Variants in KLC1 observed in about 807,000 individuals in gnomAD.
KLC1 encodes kinesin 2 60/70kDa.
In KLC1, 30 loss-of-function variants were observed where a neutral mutation model predicts 84.2. That is an observed-to-expected ratio of 0.36 (90% CI 0.27 to 0.48). The LOEUF (loss-of-function observed/expected upper bound fraction) is 0.48. Ranked by LOEUF, KLC1 falls within the 20% of genes least tolerant of loss-of-function variation. KLC1 has a pLI of 0.99. For synonymous variants in KLC1, 289 were observed against 293.3 expected (o/e 0.99, Z 0.15); for missense variants, 499 against 805.4 (o/e 0.62, Z 4.60).
chr14:103,659,698 C>T lies in KLC1; in HGVS notation c.492+1922C>T, dbSNP rs548212879. On this transcript the variant is annotated intron_variant, in intron 3 of 16. Transcript: ENST00000334553. Reference sequence around the variant, plus strand: ...TTGTGTGTCTCGTTCGAATCCCCATCCTAAGACTACTGAAACAGTTTTTTG... The same window carrying T: ...TTGTGTGTCTCGTTCGAATCCCCATTCTAAGACTACTGAAACAGTTTTTTG... Among the ~76,000 whole-genome samples the T allele has an allele frequency of 3.9e-5, 6 of 152,286 alleles. No individual in the cohort carries two copies. The South Asian group carries it at 1.2e-3, about 32-fold the overall frequency.
At chr14:103,636,824 G>A (rs978954165) in intron 1 of KLC1, among the ~76,000 whole-genome samples, 27 of 152,028 alleles carry the variant, frequency 1.8e-4, no homozygotes, top group African/African-American at 6.5e-4. Flanking sequence ...CCGGGTTCAC[G>A]CCATTCCCCT....
At chr14:103,689,694 T>C (rs2081979544) in intron 14 of KLC1, among the ~76,000 whole-genome samples, 1 of 152,150 alleles carries the variant, frequency 6.6e-6, no homozygotes, top group Non-Finnish European at 1.5e-5. Context: ...TTTTTGAGAA[T>C]CGCTCAAGGA....
rs560424755 is a variant in KLC1, at chr14:103,645,513, C to T, written c.-1-9051C>T. ...GCAGTTGTGTGTGTGTTATGCTGAACGTTGAGGATGTGTTTTGAGGAATGC... is the reference window on the plus strand; with the variant it reads ...GCAGTTGTGTGTGTGTTATGCTGAATGTTGAGGATGTGTTTTGAGGAATGC... On this transcript the variant is annotated intron_variant, in intron 1 of 16. Transcript: ENST00000334553. Among the ~76,000 whole-genome samples the T allele has an allele frequency of 3.3e-5, 5 of 152,224 alleles. No individual in the cohort carries two copies. The South Asian group carries it at 1.0e-3, about 32-fold the overall frequency.
At chr14:103,662,991 C>T (rs2079413183) in intron 5 of KLC1, 64 bp downstream of exon 5, 15 of 1,100,210 alleles carry the variant, frequency 1.4e-5, no homozygotes, top group Non-Finnish European at 1.7e-5. Flanking sequence ...CATCTTGCCC[C>T]TTAAAATATA....
intron 13 of KLC1, among the ~76,000 whole-genome samples, chr14:103,681,382 G>A (rs1035761726): frequency 1.3e-5 from 2 of 152,164 alleles, no homozygotes; most frequent in African/African-American, 4.8e-5. Flanking sequence ...GGAAGGCCTT[G>A]GCCTCCAACC....
chr14:103,668,925 C>A (rs903758027), intron 5 of KLC1, among the ~76,000 whole-genome samples: 3 of 151,134 alleles, frequency 2.0e-5, no homozygotes, highest in Non-Finnish European at 4.4e-5. Flanking sequence ...CTAAAGCCGC[C>A]TGCTACCACA....
intron 3 of KLC1, among the ~76,000 whole-genome samples, chr14:103,660,505 T>G (rs986609819): frequency 2.3e-5 from 3 of 133,188 alleles, no homozygotes; most frequent in Non-Finnish European, 4.9e-5. Context: ...AAAAAAAAAT[T>G]AAGGCCGATG....
intron 13 of KLC1, chr14:103,683,704 C>T (rs1018083044): frequency 6.6e-6 from 1 of 152,250 alleles, no homozygotes; most frequent in African/African-American, 2.4e-5. Context: ...CCACCTTTGT[C>T]TGTCTGCAGG....
rs529823701 is a variant in KLC1 at position 103,693,783 on chromosome 14, C to T, written c.1848+1358C>T. ...TGCCTTTTCAAAACACCCGGGAGGC[C>T]GTGCCTCAGCATTCTGTTACTCGGC... On this transcript the variant is annotated intron_variant, in intron 15 of 16. Transcript: ENST00000334553. This position sits in a 1 kb window ranked among gnomAD's most constrained non-coding sequence, Gnocchi z 5.1. The T allele has an allele frequency of 7.2e-5, 102 of 1,415,686 alleles. No individual in the cohort carries two copies. Among genetic ancestry groups the T allele is most frequent in the Non-Finnish European group, 8.2e-5 (89 of 1,088,208 alleles). The allele number at this position is 1,415,686 out of a possible 1,614,324, so 87.7% of individuals were successfully genotyped here. A position where few individuals can be genotyped will look rare whatever the true frequency, so the allele number is the denominator to read the frequency against.
At chr14:103,696,028 G>A (rs1453215027) in intron 15 of KLC1, 2 of 985,146 alleles carry the variant, frequency 2.0e-6, no homozygotes, top group East Asian at 1.1e-4. Flanking sequence ...TCGTTCTGGT[G>A]AGAGGAACCC....
At chr14:103,685,678 G>A (rs562947717) in intron 13 of KLC1, 9 of 1,289,470 alleles carry the variant, frequency 7.0e-6, no homozygotes, top group Middle Eastern at 4.3e-4. Context: ...CCTGCATGAC[G>A]GGTGGCGCCT....
At chr14:103,699,217 G>A (rs1191235809) in intron 15 of KLC1, 19 of 1,546,050 alleles carry the variant, frequency 1.2e-5, no homozygotes, top group Non-Finnish European at 1.6e-5. Context: ...CAACGGCTGA[G>A]GGTCTTCTCG....
At chr14:103,634,311 T>C (rs2076896397) in intron 1 of KLC1, among the ~76,000 whole-genome samples, 1 of 152,206 alleles carries the variant, frequency 6.6e-6, no homozygotes, top group South Asian at 2.1e-4. Flanking sequence ...AAATGTTTGT[T>C]GAAGGAATGC....
intron 1 of KLC1, among the ~76,000 whole-genome samples, chr14:103,645,182 A>G (rs2151391649): frequency 6.6e-6 from 1 of 152,122 alleles, no homozygotes; most frequent in South Asian, 2.1e-4. Context: ...CATGTTTGCT[A>G]GGCTGGTCTC....
rs1028548807 is a variant in KLC1 at position 103,694,544 on chromosome 14, C to G, written c.1848+2119C>G. 4.1e-6 allele frequency: 4 copies of G among 985,386 alleles called. No individual in the cohort carries two copies. The highest frequency in any genetic ancestry group is 4.7e-5 in the South Asian group (1 of 21,288). 61.0% of individuals were successfully genotyped at this position (985,386 alleles called of 1,614,324 possible). A position where few individuals can be genotyped will look rare whatever the true frequency, so the allele number is the denominator to read the frequency against. On this transcript the variant is annotated intron_variant, in intron 15 of 16. Coordinates refer to ENST00000334553, the MANE Select transcript of KLC1 (RefSeq NM_001394837.1). This position sits in a 1 kb window ranked among gnomAD's most constrained non-coding sequence, Gnocchi z 4.5. ...TCAAATCAATGCTGAGGCTGTATTTCTTAGCCGTCCACAAACTAGTCCATA... is the reference window on the plus strand; with the variant it reads ...TCAAATCAATGCTGAGGCTGTATTTGTTAGCCGTCCACAAACTAGTCCATA...
intron 7 of KLC1, among the ~76,000 whole-genome samples, chr14:103,672,303 A>G (rs1308018041): frequency 6.6e-6 from 1 of 152,236 alleles, no homozygotes; most frequent in Non-Finnish European, 1.5e-5. Flanking sequence ...GAGAGAACTC[A>G]TCACTTGTTC....
intron 1 of KLC1, among the ~76,000 whole-genome samples, chr14:103,630,902 C>T (rs1346543670): frequency 6.6e-6 from 1 of 152,052 alleles, no homozygotes; most frequent in Non-Finnish European, 1.5e-5. Flanking sequence ...CTGTGGAGGA[C>T]CCAGGTGGTA....
chr14:103,640,930 A>T (rs1032203606), intron 1 of KLC1, among the ~76,000 whole-genome samples: 8 of 148,702 alleles, frequency 5.4e-5, no homozygotes, highest in South Asian at 2.1e-4. Context: ...TATTACTATT[A>T]TTTTTTTTTT....
intron 14 of KLC1, among the ~76,000 whole-genome samples, chr14:103,691,155 C>CTTTTTTT (rs11384297): frequency 2.3e-5 from 3 of 129,482 alleles, no homozygotes. Flanking sequence ...GTTCCCCCCA[C>CTTTTTTT]TTTTTTTTTT....
Sources: gnomAD v4.1 joint callset for allele counts (sites outside exome capture counted in the v4.1 genomes callset) on GRCh38, gnomAD v4.1.1 for gene constraint, Gnocchi (gnomAD v3.1) non-coding constraint, MANE v1.5 for transcripts, NCBI Gene and HGNC (gene_info 2026-07-23, HGNC 2026-07-21) for gene names.